Variants in DNAH7 observed in about 807,000 individuals in gnomAD.
DNAH7 encodes the protein axonemal beta dynein heavy chain 7.
DNAH7 carries 397 observed loss-of-function variants against 444.6 expected under a neutral mutation model. The ratio of observed to expected loss-of-function variants is 0.89; its 90% CI spans 0.82 to 0.97. DNAH7 has a LOEUF of 0.97. Among genes scored for constraint, DNAH7 ranks in the 50% least tolerant of loss-of-function variants. The pLI is 0.00. For missense variants in DNAH7, 4,902 were observed against 4,800.8 expected (o/e 1.02, Z -0.62); for synonymous variants, 1,636 against 1,624.4 (o/e 1.01, Z -0.17).
At chr2:196,034,880 A>C (rs1020200319) in intron 5 of DNAH7, among the ~76,000 whole-genome samples, 1 of 152,144 alleles carries the variant, frequency 6.6e-6, no homozygotes, top group African/African-American at 2.4e-5. Context: ...TAAGAGTTAA[A>C]ATTATTTTTA....
chr2:195,861,794 T>C lies in DNAH7; in HGVS notation c.7659A>G (p.Gln2553=). 6.2e-7 allele frequency: 1 copy of C among 1,613,736 alleles called. No homozygotes were observed. The highest frequency in any genetic ancestry group is 1.3e-5 in the African/African-American group (1 of 75,008). ...DLSKSFFVEL[Q]RYNYVTPTSY... ...AGGTAGGAGTCACATAATTGTATCTTTGAAGTTCAACAAAGAAAGATTTGG... is the reference window on the plus strand; with the variant it reads ...AGGTAGGAGTCACATAATTGTATCTCTGAAGTTCAACAAAGAAAGATTTGG... Residue 2553 remains glutamine (Q), a synonymous_variant, in exon 42 of 65, where the codon CAA becomes CAG. Coordinates refer to ENST00000312428, the MANE Select transcript of DNAH7 (RefSeq NM_018897.3).
chr2:195,952,405 T>G (rs1690323628), intron 19 of DNAH7, among the ~76,000 whole-genome samples: 1 of 152,164 alleles, frequency 6.6e-6, no homozygotes, highest in Non-Finnish European at 1.5e-5. Context: ...ACTATGTGTC[T>G]TGGGGTTGCT....
intron 58 of DNAH7, among the ~76,000 whole-genome samples, chr2:195,778,746 A>ATATATACACATATATATATATG (rs764854154): frequency 7.0e-6 from 1 of 142,730 alleles, no homozygotes; most frequent in African/African-American, 2.6e-5. Context: ...ATATATATAT[A>ATATATACACATATATATATATG]ATAAAACTCA....
chr2:195,760,212 G>A (rs1463790133), intron 61 of DNAH7, among the ~76,000 whole-genome samples: 1 of 151,966 alleles, frequency 6.6e-6, no homozygotes, highest in Non-Finnish European at 1.5e-5. Flanking sequence ...CTGTGTTTGA[G>A]AATAGCTTTG....
At chr2:195,832,714 T>C (rs1336207293) in intron 48 of DNAH7, among the ~76,000 whole-genome samples, 2 of 152,114 alleles carry the variant, frequency 1.3e-5, no homozygotes, top group African/African-American at 4.8e-5. Context: ...AGTGTTGAGA[T>C]TACAGGCATG....
chr2:195,853,118 T>TTTTTG (rs1479588091), intron 46 of DNAH7, among the ~76,000 whole-genome samples: 1 of 152,194 alleles, frequency 6.6e-6, no homozygotes, highest in African/African-American at 2.4e-5. Context: ...AAAGTAGATA[T>TTTTTG]TTTTGTTTTT....
intron 29 of DNAH7, among the ~76,000 whole-genome samples, chr2:195,896,088 C>G (rs1294570739): frequency 6.6e-6 from 1 of 152,144 alleles, no homozygotes; most frequent in Non-Finnish European, 1.5e-5. Context: ...ATGGAATAAC[C>G]TGAATATGGT....
At chr2:195,936,551 G>T in intron 20 of DNAH7, 48 bp downstream of exon 20, 1 of 1,361,914 alleles carries the variant, frequency 7.3e-7, no homozygotes, top group Non-Finnish European at 1.0e-6. Context: ...TAAAAATTAA[G>T]TTTAAGCAGA....
At chr2:196,021,692 C>T (rs148108657) in intron 8 of DNAH7, among the ~76,000 whole-genome samples, 142 of 151,854 alleles carry the variant, frequency 9.4e-4, no homozygotes, top group Non-Finnish European at 2.9e-4. Context: ...CATAGTGATA[C>T]GCACCTGTGG....
chr2:195,872,426 C>A lies in DNAH7; in HGVS notation c.6457G>T (p.Val2153Leu). 6.2e-7 allele frequency: 1 copy of A among 1,606,980 alleles called. No individual in the cohort carries two copies. Among genetic ancestry groups the A allele is most frequent in the Non-Finnish European group, 8.5e-7 (1 of 1,176,366 alleles). The change falls in exon 40 of 65, where the codon GTA becomes TTA. Residue 2153 changes from valine (V) to leucine (L), a missense_variant. Coordinates refer to ENST00000312428, the MANE Select transcript of DNAH7 (RefSeq NM_018897.3). ...DEFLDLTTQI[V>L]NGTMTLYKEA... Reference sequence around the variant, plus strand: ...TTATACAGAGTCATTGTGCCATTTACGATTTGTGTGGTCAAATCTAGAAAT... The same window carrying A: ...TTATACAGAGTCATTGTGCCATTTAAGATTTGTGTGGTCAAATCTAGAAAT...
At position 195,738,087 on chromosome 2, in the gene DNAH7, C is replaced by T. The variant is rs200947523; in HGVS notation, c.11909G>A (p.Arg3970Gln). The T allele has an allele frequency of 6.8e-5, 110 of 1,613,884 alleles. No homozygotes were observed. In the African/African-American group the frequency reaches 7.3e-4, roughly 11 times the overall value. Residue 3970 changes from arginine to glutamine, a missense_variant, in exon 65 of 65, where the codon CGG (arginine) becomes CAG (glutamine). Coordinates refer to ENST00000312428, the MANE Select transcript of DNAH7 (RefSeq NM_018897.3). ...ATACAATGGAGCAACATAACTTGGC[C>T]GTTTTGGTATATCTGCCCTCTTACA... ...KPCKRADIPK[R>Q]PSYVAPLYKT...
intron 12 of DNAH7, among the ~76,000 whole-genome samples, chr2:195,990,160 T>A (rs904304394): frequency 1.3e-5 from 2 of 152,228 alleles, no homozygotes; most frequent in African/African-American, 4.8e-5. Context: ...CAGATCAATG[T>A]CATAAAGCAT....
At chr2:195,751,786 G>C (rs1261744812) in intron 63 of DNAH7, among the ~76,000 whole-genome samples, 1 of 152,180 alleles carries the variant, frequency 6.6e-6, no homozygotes, top group South Asian at 2.1e-4. Flanking sequence ...ACCATAAGGG[G>C]TCTGGATTTT....
chr2:196,051,259 A>C lies in DNAH7; in HGVS notation c.79-10T>G, dbSNP rs1204626239. On this transcript the variant is annotated splice_polypyrimidine_tract_variant and intron_variant, in intron 2 of 64. Coordinates refer to ENST00000312428, the MANE Select transcript of DNAH7 (RefSeq NM_018897.3). ...TGCTGGCTAATTTCTCCTGTGTGAAAAATATGAAGGGGAAAAAAGTGTTTA... is the reference window on the plus strand; with the variant it reads ...TGCTGGCTAATTTCTCCTGTGTGAACAATATGAAGGGGAAAAAAGTGTTTA... 1.9e-6 allele frequency: 3 copies of C among 1,613,174 alleles called. No homozygotes were observed. The highest frequency in any genetic ancestry group is 1.7e-5 in the Admixed American group (1 of 60,016).
At chr2:195,742,269 A>C (rs923807230) in intron 63 of DNAH7, among the ~76,000 whole-genome samples, 7 of 152,184 alleles carry the variant, frequency 4.6e-5, no homozygotes, top group Non-Finnish European at 1.5e-5. Flanking sequence ...GGGCAAAGTA[A>C]GAGAACTTTA....
chr2:195,884,883 G>T lies in DNAH7; in HGVS notation c.5539-74C>A, dbSNP rs955255550. 5 of 1,204,196 alleles carry T rather than the reference G, an allele frequency of 4.2e-6. No individual in the cohort carries two copies. The Admixed American group carries it at 8.8e-5, about 21-fold the overall frequency. The allele number at this position is 1,204,196 out of a possible 1,614,324, so 74.6% of individuals were successfully genotyped here. A position where few individuals can be genotyped will look rare whatever the true frequency, so the allele number is the denominator to read the frequency against. ...ATCTGTCCTTGAAGCTTACATATCA[G>T]ATCAGCCAGATTAGTATCTCTGAAA... On this transcript the variant is annotated intron_variant, in intron 34 of 64. Transcript: ENST00000312428.
intron 12 of DNAH7, 59 bp downstream of exon 12, chr2:196,000,644 GT>G (rs1317551705): frequency 9.4e-5 from 124 of 1,316,496 alleles, no homozygotes; most frequent in Non-Finnish European, 1.2e-4. Flanking sequence ...ACTTTCAGAA[GT>G]TACTTGAAGT....
At chr2:195,880,490 G>A (rs906362487) in intron 36 of DNAH7, among the ~76,000 whole-genome samples, 6 of 151,110 alleles carry the variant, frequency 4.0e-5, no homozygotes, top group East Asian at 3.9e-4. Context: ...CACCACACCC[G>A]GCTACTTTTT....
chr2:195,900,637 T>G, intron 27 of DNAH7, 143 bp from the exon 28 acceptor site: 1 of 733,660 alleles, frequency 1.4e-6, no homozygotes. Context: ...TAGTGGTAAC[T>G]AGAGGCTGGG....
Sources: allele counts gnomAD v4.1 joint callset (sites outside exome capture counted in the v4.1 genomes callset), GRCh38; gene constraint gnomAD v4.1.1; transcripts MANE v1.5; gene names NCBI Gene and HGNC (gene_info 2026-07-23, HGNC 2026-07-21).